Variants in SLC25A26 observed in about 807,000 individuals in gnomAD.
The protein encoded by SLC25A26 is mitochondrial S-adenosylmethionine carrier protein.
SLC25A26 carries 36 observed loss-of-function variants against 37.8 expected under a neutral mutation model. The ratio of observed to expected loss-of-function variants is 0.95; its 90% confidence interval spans 0.73 to 1.26. The LOEUF (loss-of-function observed/expected upper bound fraction) is 1.26, where lower values mean the gene tolerates loss of function less well. Ranked by LOEUF, SLC25A26 falls within the 50% of genes most tolerant of loss-of-function variation. The pLI, the probability that SLC25A26 is intolerant of heterozygous loss-of-function variation, is 0.00. For synonymous variants in SLC25A26, 129 were observed against 122.5 expected (o/e 1.05, Z -0.35); for missense variants, 390 against 331.1 (o/e 1.18, Z -1.38).
rs76419222 is a variant in SLC25A26 at position 66,252,271 on chromosome 3, G to A, written c.300+8959G>A. On this transcript the variant is annotated intron_variant, in intron 3 of 9. Transcript: ENST00000354883. ...TATTTGCTTTGGTTTGTGATTGTGT[G>A]CTTTTCAATATTTGAGTTGTATAGC... Among the ~76,000 whole-genome samples the A allele has an allele frequency of 1.7e-3, 255 of 152,300 alleles. 2 individuals carry two copies. Among genetic ancestry groups the A allele is most frequent in the African/African-American group, 5.7e-3 (237 of 41,556 alleles).
At position 66,195,743 on chromosome 3, in the gene SLC25A26, A is replaced by G. The variant is rs932311602; in HGVS notation, c.-353-24999A>G. ...AAATTAGGTCAACACTATCCAAAGGAGTCTCAAAAGAATGGTTGAAGAATA... is the reference window on the plus strand; with the variant it reads ...AAATTAGGTCAACACTATCCAAAGGGGTCTCAAAAGAATGGTTGAAGAATA... On this transcript the variant is annotated intron_variant, in intron 1 of 10. Transcript: ENST00000676754. 9.9e-4 allele frequency among the ~76,000 whole-genome samples: 151 copies of G among 152,352 alleles called. 5 individuals are homozygous for G. Among genetic ancestry groups the G allele is most frequent in the African/African-American group, 3.3e-3 (138 of 41,582 alleles).
chr3:66,255,056 C>T (rs955130562), intron 3 of SLC25A26, among the ~76,000 whole-genome samples: 1 of 152,216 alleles, frequency 6.6e-6, no homozygotes, highest in Admixed American at 6.5e-5. Context: ...CTCTTTTCCT[C>T]CACTCAGTAC....
intron 5 of SLC25A26, among the ~76,000 whole-genome samples, chr3:66,319,396 TG>T (rs1282397025): frequency 6.6e-6 from 1 of 152,224 alleles, no homozygotes; most frequent in Non-Finnish European, 1.5e-5. Flanking sequence ...TAATGCATCC[TG>T]CTGGTCTGTT....
intron 1 of SLC25A26, among the ~76,000 whole-genome samples, chr3:66,166,639 G>T: frequency 6.6e-6 from 1 of 152,214 alleles, no homozygotes; most frequent in Non-Finnish European, 1.5e-5. Flanking sequence ...GCAAAATAGG[G>T]CTAACCATAT....
chr3:66,368,701 C>T (rs1000993089), intron 7 of SLC25A26, among the ~76,000 whole-genome samples: 4 of 152,072 alleles, frequency 2.6e-5, no homozygotes, highest in East Asian at 1.9e-4. Context: ...AAATGATAGA[C>T]GCATTTTGGA....
intron 5 of SLC25A26, among the ~76,000 whole-genome samples, chr3:66,317,287 G>T (rs11928658): frequency 0.029 from 4,431 of 152,256 alleles, 213 homozygotes; most frequent in African/African-American, 0.099. Context: ...GATGGGGTTT[G>T]TGTGGGTCTT....
chr3:66,180,013 T>G (rs778142152), intron 1 of SLC25A26, among the ~76,000 whole-genome samples: 17 of 144,374 alleles, frequency 1.2e-4, no homozygotes, highest in Non-Finnish European at 2.3e-4. Context: ...CCGCCAGGAA[T>G]AGGGAGATGC....
chr3:66,166,465 T>G (rs140460682), intron 1 of SLC25A26, among the ~76,000 whole-genome samples: 38 of 152,336 alleles, frequency 2.5e-4, no homozygotes, highest in Non-Finnish European at 5.1e-4. Context: ...AAGGATCTTG[T>G]AACAGATAGT....
In SLC25A26 at chr3:66,272,961, A is replaced by C. The variant is rs332343; in HGVS notation, c.453+9582A>C. On this transcript the variant is annotated intron_variant, in intron 5 of 9. Coordinates refer to ENST00000354883, the MANE Select transcript of SLC25A26 (RefSeq NM_001379210.1). Reference sequence around the variant, plus strand: ...AGATAGCTCTTATTATTTTGAGATAAGTCCCATCAATACCTAATTTATTGA... The same window carrying C: ...AGATAGCTCTTATTATTTTGAGATACGTCCCATCAATACCTAATTTATTGA... Among the ~76,000 whole-genome samples, 7 of 152,022 alleles carry C rather than the reference A, an allele frequency of 4.6e-5. No homozygotes were observed. The East Asian group carries it at 1.2e-3, about 25-fold the overall frequency.
chr3:66,329,352 C>T (rs1008161692), intron 5 of SLC25A26, among the ~76,000 whole-genome samples: 7 of 152,176 alleles, frequency 4.6e-5, no homozygotes, highest in Non-Finnish European at 7.4e-5. Flanking sequence ...GTTAACCAAA[C>T]ACATTTAGAA....
intron 5 of SLC25A26, among the ~76,000 whole-genome samples, chr3:66,301,136 G>C (rs1226809725): frequency 2.0e-5 from 3 of 152,108 alleles, no homozygotes; most frequent in African/African-American, 7.2e-5. Flanking sequence ...AAAAATAGTA[G>C]ATCTCATGTA....
Position 66,305,193 on chromosome 3 carries a change from T to A in SLC25A26, c.454-41171T>A, listed in dbSNP as rs897749593. ...TTGGTGTTCTCATGGTTGTGAGAAG[T>A]TGGGAGAAGCAGCGTCTAAATTTAG... is the stretch of plus-strand genomic sequence containing the variant. On this transcript the variant is annotated intron_variant, in intron 5 of 9. Coordinates refer to ENST00000354883, the MANE Select transcript of SLC25A26 (RefSeq NM_001379210.1). Among the ~76,000 whole-genome samples the A allele has an allele frequency of 4.6e-5, 7 of 152,164 alleles. No individual in the cohort carries two copies. The South Asian group carries it at 8.3e-4, about 18-fold the overall frequency.
At chr3:66,338,960 A>G (rs2076149047) in intron 5 of SLC25A26, among the ~76,000 whole-genome samples, 1 of 152,010 alleles carries the variant, frequency 6.6e-6, no homozygotes, top group Admixed American at 6.6e-5. Context: ...TGTATATACC[A>G]TATTTTATTT....
chr3:66,307,454 G>A (rs528632148), intron 5 of SLC25A26, among the ~76,000 whole-genome samples: 3 of 151,948 alleles, frequency 2.0e-5, no homozygotes, highest in South Asian at 4.2e-4. Flanking sequence ...TCTGTAGGTT[G>A]CCTGTTCACT....
intron 5 of SLC25A26, among the ~76,000 whole-genome samples, chr3:66,267,780 A>G (rs918982659): frequency 6.6e-5 from 10 of 152,232 alleles, no homozygotes; most frequent in South Asian, 6.2e-4. Flanking sequence ...CTTTAGGTGC[A>G]AAAATCATCA....
At chr3:66,243,680 T>G (rs915779805) in intron 3 of SLC25A26, among the ~76,000 whole-genome samples, 1 of 152,240 alleles carries the variant, frequency 6.6e-6, no homozygotes, top group African/African-American at 2.4e-5. Flanking sequence ...CGAAATAGTT[T>G]CAGTTTGGGT....
At chr3:66,312,100 G>T (rs1257062955) in intron 5 of SLC25A26, among the ~76,000 whole-genome samples, 1 of 152,204 alleles carries the variant, frequency 6.6e-6, no homozygotes, top group South Asian at 2.1e-4. Flanking sequence ...ACAGCTGCCT[G>T]TTCCCCCAGG....
At chr3:66,163,384 C>A (rs545041163) in intron 1 of SLC25A26, among the ~76,000 whole-genome samples, 17 of 152,290 alleles carry the variant, frequency 1.1e-4, no homozygotes, top group African/African-American at 4.1e-4. Flanking sequence ...GTTTTTCCAA[C>A]CACTTTCATG....
chr3:66,194,151 G>A (rs2070998260), intron 1 of SLC25A26, among the ~76,000 whole-genome samples: 1 of 152,226 alleles, frequency 6.6e-6, no homozygotes, highest in African/African-American at 2.4e-5. Context: ...TGGGCTCATG[G>A]ACAGGAATCA....
Sources: allele counts gnomAD v4.1 joint callset (sites outside exome capture counted in the v4.1 genomes callset), GRCh38; gene constraint gnomAD v4.1.1; transcripts MANE v1.5; gene names NCBI Gene and HGNC (gene_info 2026-07-23, HGNC 2026-07-21).